Variants in SIM1 observed in about 807,000 individuals in gnomAD.
The protein encoded by SIM1 is single-minded homolog 1.
SIM1 carries 18 observed loss-of-function variants against 78.2 expected under a neutral mutation model. The ratio of observed to expected loss-of-function variants is 0.23; its 90% CI spans 0.16 to 0.34. The LOEUF (loss-of-function observed/expected upper bound fraction) is 0.34. Ranked by LOEUF, SIM1 falls within the 10% of genes least tolerant of loss-of-function variation. The probability of loss-of-function intolerance (pLI) is 1.00; values close to 1 mark genes in which losing one functional copy is unlikely to be tolerated. For missense variants in SIM1, 939 were observed against 975.1 expected (o/e 0.96, Z 0.49); for synonymous variants, 417 against 385.2 (o/e 1.08, Z -0.97).
At chr6:100,441,551 A>G (rs1772217006) in intron 9 of SIM1, among the ~76,000 whole-genome samples, 1 of 152,242 alleles carries the variant, frequency 6.6e-6, no homozygotes, top group South Asian at 2.1e-4. Context: ...TTTAGCAAAA[A>G]CATAAAATGT....
chr6:100,396,281 C>T (rs1425985138), intron 10 of SIM1, among the ~76,000 whole-genome samples: 6 of 151,976 alleles, frequency 3.9e-5, no homozygotes, highest in African/African-American at 1.4e-4. Context: ...TGCCCAGATT[C>T]TGCTTGTTTT....
At chr6:100,451,325 G>A (rs1009059486) in intron 3 of SIM1, among the ~76,000 whole-genome samples, 11 of 152,280 alleles carry the variant, frequency 7.2e-5, no homozygotes, top group African/African-American at 2.4e-4. Context: ...GAATGAAGTG[G>A]CCAAGTCTGC....
rs149142065 is a variant in SIM1, at chr6:100,390,623, G to A, written c.2039C>T (p.Ser680Leu). The A allele has an allele frequency of 4.1e-5, 66 of 1,614,050 alleles. 1 individual carries two copies. The highest frequency in any genetic ancestry group is 1.6e-4 in the East Asian group (7 of 44,892). ...SLILAKDYLH[S>L]DISPHQTAGD... ...TGCTGTCTGATGAGGAGATATATCCGAATGCAGATAGTCTTTAGCTAGGAT... is the reference window on the plus strand; with the variant it reads ...TGCTGTCTGATGAGGAGATATATCCAAATGCAGATAGTCTTTAGCTAGGAT... The change falls in exon 12 of 12, where the codon TCG (serine) becomes TTG (leucine). Residue 680 changes from serine (S) to leucine (L), a missense_variant. Transcript: ENST00000369208.
chr6:100,423,359 A>G (rs1335554349), intron 9 of SIM1, among the ~76,000 whole-genome samples: 1 of 152,148 alleles, frequency 6.6e-6, no homozygotes, highest in Non-Finnish European at 1.5e-5. Context: ...TATTCAATAC[A>G]TATTTACTGA....
At chr6:100,434,240 C>G (rs1218067801) in intron 9 of SIM1, among the ~76,000 whole-genome samples, 1 of 152,206 alleles carries the variant, frequency 6.6e-6, no homozygotes, top group East Asian at 1.9e-4. Context: ...CTTCATTCTT[C>G]TAGCATTCCT....
chr6:100,440,875 T>C (rs1024402352), intron 9 of SIM1, among the ~76,000 whole-genome samples: 1 of 151,452 alleles, frequency 6.6e-6, no homozygotes, highest in Non-Finnish European at 1.5e-5. Context: ...CACACACATC[T>C]TGTATCAAAC....
intron 9 of SIM1, among the ~76,000 whole-genome samples, chr6:100,424,072 A>AC (rs1047111599): frequency 1.7e-5 from 1 of 59,126 alleles, no homozygotes; most frequent in Admixed American, 2.4e-4. Flanking sequence ...CCCCCCTCCC[A>AC]CCCCCCGCCC....
chr6:100,401,905 T>C (rs1770924689), intron 10 of SIM1, among the ~76,000 whole-genome samples: 1 of 152,206 alleles, frequency 6.6e-6, no homozygotes, highest in Non-Finnish European at 1.5e-5. Flanking sequence ...CATATGAAAA[T>C]ATAAAGTTAT....
intron 2 of SIM1, 122 bp from the exon 3 acceptor site, chr6:100,453,966 CCTCTCAA>C: frequency 1.3e-5 from 8 of 595,270 alleles, no homozygotes; most frequent in Non-Finnish European, 2.3e-5. Context: ...ATAGGGGATC[CCTCTCAA>C]AGTGGACAGC....
chr6:100,397,471 G>C (rs1770795959), intron 10 of SIM1, among the ~76,000 whole-genome samples: 1 of 151,824 alleles, frequency 6.6e-6, no homozygotes, highest in African/African-American at 2.4e-5. Context: ...ACACTCATAG[G>C]CAAAAAATCA....
At chr6:100,400,178 A>G (rs1201351685) in intron 10 of SIM1, among the ~76,000 whole-genome samples, 1 of 152,012 alleles carries the variant, frequency 6.6e-6, no homozygotes, top group Non-Finnish European at 1.5e-5. Context: ...AGACTAACAT[A>G]CCACTCTTAG....
intron 3 of SIM1, among the ~76,000 whole-genome samples, chr6:100,450,696 T>TCTCTCTCTCTCACACACACACA (rs1421452803): frequency 1.1e-5 from 1 of 91,878 alleles, no homozygotes; most frequent in Non-Finnish European, 2.2e-5. Flanking sequence ...TCTCTCTCTC[T>TCTCTCTCTCTCACACACACACA]CACACACACA....
At position 100,385,552 on chromosome 6, in the gene SIM1, C is replaced by T. The variant is rs1174501835; in HGVS notation, c.*4809G>A. 1 of 151,834 alleles carries T rather than the reference C, an allele frequency of 6.6e-6. No homozygotes were observed. Among genetic ancestry groups the T allele is most frequent in the East Asian group, 1.9e-4 (1 of 5,186 alleles). The allele number at this position is 151,834 out of a possible 1,614,324, so 9.4% of individuals were successfully genotyped here. On this transcript the variant is annotated 3_prime_UTR_variant, in exon 12 of 12. Coordinates refer to ENST00000369208, the MANE Select transcript of SIM1 (RefSeq NM_005068.3). ...AATTAGGGCAAATTAACCCCAACCC[C>T]ATATAGATTTATGAAAGCAAAGTCC...
intron 2 of SIM1, 73 bp from the exon 3 acceptor site, chr6:100,453,917 A>G: frequency 8.6e-7 from 1 of 1,156,838 alleles, no homozygotes; most frequent in East Asian, 2.5e-5. Context: ...AAGTCCCGCG[A>G]CTGTATTACC....
At chr6:100,398,752 ACT>A (rs1417992619) in intron 10 of SIM1, among the ~76,000 whole-genome samples, 1 of 151,838 alleles carries the variant, frequency 6.6e-6, no homozygotes, top group African/African-American at 2.4e-5. Flanking sequence ...TGTCTTTGAG[ACT>A]CTGTTTTTAA....
chr6:100,396,556 G>A (rs182948697), intron 10 of SIM1, among the ~76,000 whole-genome samples: 3 of 152,112 alleles, frequency 2.0e-5, no homozygotes, highest in Non-Finnish European at 2.9e-5. Flanking sequence ...AATACCAAGC[G>A]CATTGCCCTG....
intron 9 of SIM1, among the ~76,000 whole-genome samples, chr6:100,428,425 A>G (rs1771792618): frequency 6.6e-6 from 1 of 152,198 alleles, no homozygotes; most frequent in Non-Finnish European, 1.5e-5. Context: ...TTGCTGAGAA[A>G]CATTTTTTAA....
chr6:100,394,432 G>T (rs1443046533), intron 10 of SIM1, among the ~76,000 whole-genome samples: 1 of 152,104 alleles, frequency 6.6e-6, no homozygotes, highest in Non-Finnish European at 1.5e-5. Flanking sequence ...TTTTGACAGG[G>T]TCTGGCCCTG....
At chr6:100,448,036 C>T (rs1296177753) in intron 8 of SIM1, 110 bp downstream of exon 8, 2 of 828,070 alleles carry the variant, frequency 2.4e-6, no homozygotes, top group Non-Finnish European at 3.8e-6. Context: ...CCACCCGGCT[C>T]CCTGGGCTCC....
Sources: allele counts gnomAD v4.1 joint callset (sites outside exome capture counted in the v4.1 genomes callset), GRCh38; gene constraint gnomAD v4.1.1; transcripts MANE v1.5; gene names NCBI Gene and HGNC (gene_info 2026-07-23, HGNC 2026-07-21).